The following SAMM50 variants were observed in gnomAD, a reference collection of about 807,000 sequenced individuals.
The protein encoded by SAMM50 is sorting and assembly machinery component 50 homolog.
In SAMM50, 47 loss-of-function variants were observed where a neutral mutation model predicts 66.9. That is an observed-to-expected ratio of 0.70 (90% CI 0.56 to 0.90). SAMM50 has a LOEUF of 0.90. Among genes scored for constraint, SAMM50 ranks in the 40% least tolerant of loss-of-function variants. The pLI is 0.00. For missense variants in SAMM50, 535 were observed against 595.3 expected (o/e 0.90, Z 1.05); for synonymous variants, 191 against 214.1 (o/e 0.89, Z 0.94).
At chr22:43,956,530 C>T (rs530056658) in intron 1 of SAMM50, among the ~76,000 whole-genome samples, 1 of 152,204 alleles carries the variant, frequency 6.6e-6, no homozygotes, top group African/African-American at 2.4e-5. Context: ...AGGTCTGTTG[C>T]TCAGTGTGCT....
At chr22:43,973,111 C>A in intron 6 of SAMM50, 110 bp downstream of exon 6, 1 of 1,413,338 alleles carries the variant, frequency 7.1e-7, no homozygotes, top group Non-Finnish European at 9.8e-7. Flanking sequence ...TCTGCAGTGA[C>A]CACATGCTGT....
intron 1 of SAMM50, chr22:43,957,392 A>G: frequency 2.5e-6 from 1 of 407,778 alleles, no homozygotes; most frequent in Non-Finnish European, 4.5e-6. Flanking sequence ...GTGCTCTTGA[A>G]AAAAAAAAGG....
At position 43,972,282 on chromosome 22, in the gene SAMM50, TG is replaced by T; in HGVS notation, c.370del (p.Glu124AsnfsTer2). 6.2e-7 allele frequency: 1 copy of T among 1,607,042 alleles called. No individual in the cohort carries two copies. Among genetic ancestry groups the T allele is most frequent in the Middle Eastern group, 1.7e-4 (1 of 6,052 alleles). ...GGTTAGACGTTACCTTTGAAGTAACTGAATTGAGGAGATTAACGGGCAGTTA... is the reference window on the plus strand; with the variant it reads ...GGTTAGACGTTACCTTTGAAGTAACTAATTGAGGAGATTAACGGGCAGTTA... The part of the protein sequence containing the change: ...NGLDVTFEVT[E>X]LRRLTGSYNT... On this transcript the variant is annotated frameshift_variant, in exon 5 of 15. Transcript: ENST00000350028. LOFTEE classifies it high-confidence loss of function.
At position 43,972,258 on chromosome 22, in the gene SAMM50, G is replaced by C. The variant is rs2050207501; in HGVS notation, c.345G>C (p.Gly115=). The C allele has an allele frequency of 6.3e-7, 1 of 1,598,686 alleles. No individual in the cohort carries two copies. Among genetic ancestry groups the C allele is most frequent in the African/African-American group, 1.3e-5 (1 of 74,246 alleles). The change falls in exon 5 of 15, where the codon GGG becomes GGC. Residue 115 remains glycine (G), a synonymous_variant. Coordinates refer to ENST00000350028, the MANE Select transcript of SAMM50 (RefSeq NM_015380.5). ...TCQGDDALPN[G]LDVTFEVTEL... is the part of the protein sequence containing the mutation. ...TAGGTGATGACGCACTTCCAAATGG[G>C]TTAGACGTTACCTTTGAAGTAACTG...
intron 9 of SAMM50, among the ~76,000 whole-genome samples, chr22:43,977,167 G>C (rs2050237130): frequency 6.6e-6 from 1 of 152,226 alleles, no homozygotes; most frequent in African/African-American, 2.4e-5. Context: ...TGGCTGCAGG[G>C]CAGGTGCATC....
chr22:43,962,643 G>A lies in SAMM50; in HGVS notation c.22-643G>A, dbSNP rs145522816. On this transcript the variant is annotated intron_variant, in intron 1 of 14. Transcript: ENST00000350028. ...CATAAAATGTTTTCTTAGTAATCTG[G>A]TTTGTCAAGGTAGCTATCCTAACAT... Among the ~76,000 whole-genome samples, 48 of 152,182 alleles carry A rather than the reference G, an allele frequency of 3.2e-4. No homozygotes were observed. The Middle Eastern group carries it at 0.014, about 43-fold the overall frequency.
chr22:43,986,129 A>G (rs796372387), intron 12 of SAMM50, among the ~76,000 whole-genome samples: 2 of 139,244 alleles, frequency 1.4e-5, no homozygotes, highest in Middle Eastern at 4.2e-3. Context: ...TGCAACCTCC[A>G]CCTCCCAGGT....
intron 12 of SAMM50, chr22:43,987,691 G>C (rs1473017036): frequency 6.6e-6 from 1 of 152,114 alleles, no homozygotes; most frequent in Non-Finnish European, 1.5e-5. Context: ...AAAAATACAT[G>C]TTTGTGCCAG....
Position 43,957,513 on chromosome 22 carries a change from C to G in SAMM50, c.21+1915C>G, listed in dbSNP as rs112842274. 4.3e-3 allele frequency among the ~76,000 whole-genome samples: 657 copies of G among 152,254 alleles called. 4 individuals carry two copies. The highest frequency in any genetic ancestry group is 0.014 in the African/African-American group (599 of 41,524). ...TCTCCACTCACTGCAACCTCCGCCT[C>G]CCAGGTTCAAGCGATTCTCCTGCCT... On this transcript the variant is annotated intron_variant, in intron 1 of 14. Transcript: ENST00000350028.
In SAMM50 at chr22:43,955,503, C is replaced by A. The variant is rs1034713540; in HGVS notation, c.-75C>A. ...GACCTGCAGCTCCGCCACCGCGGAC[C>A]CGCCTTCTGCCCTCAGCAGCAGACG... On this transcript the variant is annotated 5_prime_UTR_variant, in exon 1 of 15. Coordinates refer to ENST00000350028, the MANE Select transcript of SAMM50 (RefSeq NM_015380.5). 2 of 1,534,028 alleles carry A rather than the reference C, an allele frequency of 1.3e-6. No homozygotes were observed. The highest frequency in any genetic ancestry group is 2.7e-5 in the African/African-American group (2 of 73,238).
At chr22:43,960,189 A>G (rs2050140858) in intron 1 of SAMM50, among the ~76,000 whole-genome samples, 2 of 152,232 alleles carry the variant, frequency 1.3e-5, no homozygotes, top group Non-Finnish European at 1.5e-5. Context: ...TTTGAGAAAT[A>G]TAATAATTCC....
intron 10 of SAMM50, among the ~76,000 whole-genome samples, chr22:43,978,598 A>G (rs1022462872): frequency 5.6e-4 from 85 of 150,974 alleles, no homozygotes; most frequent in Non-Finnish European, 9.3e-4. Context: ...CTGAGTCTTC[A>G]CTTTGCTGGG....
intron 1 of SAMM50, among the ~76,000 whole-genome samples, chr22:43,962,417 AATAG>A (rs1311040598): frequency 2.0e-5 from 3 of 152,220 alleles, no homozygotes; most frequent in South Asian, 2.1e-4. Flanking sequence ...GAGATAGATA[AATAG>A]ATAGATACAA....
At chr22:43,964,425 C>G in intron 2 of SAMM50, 27 bp from the exon 3 acceptor site, 1 of 1,297,164 alleles carries the variant, frequency 7.7e-7, no homozygotes, top group Non-Finnish European at 1.1e-6. Flanking sequence ...CATGTCATCC[C>G]TAATACTGTC....
At chr22:43,957,517 G>C (rs914859993) in intron 1 of SAMM50, among the ~76,000 whole-genome samples, 1 of 152,150 alleles carries the variant, frequency 6.6e-6, no homozygotes, top group East Asian at 1.9e-4. Flanking sequence ...CCGCCTCCCA[G>C]GTTCAAGCGA....
At chr22:43,984,910 G>T (rs951821425) in intron 12 of SAMM50, among the ~76,000 whole-genome samples, 1 of 152,048 alleles carries the variant, frequency 6.6e-6, no homozygotes, top group African/African-American at 2.4e-5. Flanking sequence ...GATTACAGAT[G>T]TGAGCCACTG....
At chr22:43,958,589 C>T (rs984982790) in intron 1 of SAMM50, among the ~76,000 whole-genome samples, 2 of 149,072 alleles carry the variant, frequency 1.3e-5, no homozygotes, top group Non-Finnish European at 3.0e-5. Context: ...AGTGATTCTC[C>T]TGCCTCAGCC....
chr22:43,995,101 T>A (rs1421485813), intron 14 of SAMM50, among the ~76,000 whole-genome samples: 1 of 152,122 alleles, frequency 6.6e-6, no homozygotes, highest in African/African-American at 2.4e-5. Flanking sequence ...TGGATTCTGG[T>A]GTTTTAAGGC....
intron 11 of SAMM50, among the ~76,000 whole-genome samples, chr22:43,982,273 T>C (rs2050268701): frequency 6.6e-6 from 1 of 152,196 alleles, no homozygotes; most frequent in African/African-American, 2.4e-5. Context: ...AAGATTTATG[T>C]GTAGAAGGAT....
Sources: allele counts gnomAD v4.1 joint callset (sites outside exome capture counted in the v4.1 genomes callset), GRCh38; gene constraint gnomAD v4.1.1; transcripts MANE v1.5; gene names NCBI Gene and HGNC (gene_info 2026-07-23, HGNC 2026-07-21).